The following LTN1 variants were observed in gnomAD, a reference collection of about 807,000 sequenced individuals.
LTN1 encodes E3 ubiquitin-protein ligase listerin.
Under a neutral mutation model 201.2 loss-of-function variants are expected in LTN1, and 88 were observed. The ratio of observed to expected loss-of-function variants is 0.44; its 90% confidence interval spans 0.37 to 0.52. LTN1 has a LOEUF of 0.52. Among genes scored for constraint, LTN1 ranks in the 20% least tolerant of loss-of-function variants. The pLI is 0.00. For missense variants in LTN1, 1,752 were observed against 2,038.7 expected (o/e 0.86, Z 2.71); for synonymous variants, 645 against 713.5 (o/e 0.90, Z 1.53).
At position 28,981,263 on chromosome 21, in the gene LTN1, G is replaced by A. The variant is rs1310289926; in HGVS notation, c.666C>T (p.Tyr222=). The change falls in exon 6 of 30, where the codon TAC becomes TAT. Residue 222 remains tyrosine, a synonymous_variant. Transcript: ENST00000361371. ...CCAATAAGGAACAAGTTACAACCCG[G>A]TAGAATTTAGCTTCTCTTTCTTCCT... ...VPEEEREAKF[Y]RVVTCSLLAL... 6 of 1,564,934 alleles carry A rather than the reference G, an allele frequency of 3.8e-6. No individual in the cohort carries two copies. The highest frequency in any genetic ancestry group is 5.2e-6 in the Non-Finnish European group (6 of 1,163,644).
intron 28 of LTN1, among the ~76,000 whole-genome samples, chr21:28,931,637 C>T (rs1169233643): frequency 6.6e-6 from 1 of 152,180 alleles, no homozygotes; most frequent in Non-Finnish European, 1.5e-5. Context: ...TAATGTTTAA[C>T]TGAAAATGAT....
intron 14 of LTN1, 22 bp from the exon 15 acceptor site, chr21:28,957,498 T>C (rs527609196): frequency 1.3e-6 from 2 of 1,519,782 alleles, no homozygotes; most frequent in African/African-American, 1.4e-5. Context: ...GCAGAGAACT[T>C]AACTGTTGTA....
rs991340915 is a variant in LTN1 at position 28,936,812 on chromosome 21, C to A, written c.4483-115G>T. On this transcript the variant is annotated intron_variant, in intron 25 of 29. Transcript: ENST00000361371. ...CCTCATAAACTAGCAGACATTCTAT[C>A]CCCTCATTATTGTAACACATTTCTA... The A allele has an allele frequency of 4.6e-5, 33 of 721,332 alleles. No homozygotes were observed. The East Asian group carries it at 7.0e-4, about 15-fold the overall frequency. The allele number at this position is 721,332 out of a possible 1,614,324, so 44.7% of individuals were successfully genotyped here.
intron 28 of LTN1, 44 bp from the exon 29 acceptor site, chr21:28,931,366 C>A: frequency 9.3e-7 from 1 of 1,079,514 alleles, no homozygotes; most frequent in Non-Finnish European, 1.3e-6. Flanking sequence ...CTGATAACCA[C>A]CAATTTTATT....
Position 28,971,333 on chromosome 21 carries a change from T to C in LTN1, c.922A>G (p.Ser308Gly). The C allele has an allele frequency of 6.2e-7, 1 of 1,614,110 alleles. No homozygotes were observed. The highest frequency in any genetic ancestry group is 8.5e-7 in the Non-Finnish European group (1 of 1,179,962). ...SPSVLLSIDD[S>G]DPIVCPALWE... The stretch of plus-strand genomic sequence containing the variant: ...AGAGCTGGGCAGACAATTGGGTCAC[T>C]GTCATCAATGCTAAGTAGAACTGAT... Residue 308 changes from serine (S) to glycine (G), a missense_variant, in exon 7 of 30, where the codon AGT becomes GGT. By Grantham distance (56) the Ser-to-Gly change is moderately conservative. This residue lies in a region of LTN1 where 280 missense variants were observed against 375.7 expected (regional missense o/e 0.75). Transcript: ENST00000361371.
intron 1 of LTN1, among the ~76,000 whole-genome samples, chr21:28,987,845 T>C (rs543375575): frequency 1.3e-4 from 20 of 152,298 alleles, no homozygotes; most frequent in Non-Finnish European, 2.4e-4. Context: ...AAATGTGTGA[T>C]TCAAATTGCT....
intron 14 of LTN1, among the ~76,000 whole-genome samples, chr21:28,957,868 C>G (rs555391168): frequency 9.2e-5 from 14 of 152,220 alleles, no homozygotes; most frequent in Admixed American, 9.2e-4. Flanking sequence ...ACTTGCAATT[C>G]AACATCTTAA....
In LTN1 at chr21:28,969,544, A is replaced by C. The variant is rs1316801780; in HGVS notation, c.1233T>G (p.Ala411=). The change falls in exon 9 of 30, where the codon GCT becomes GCG. Residue 411 remains alanine, a synonymous_variant. Transcript: ENST00000361371. The part of the protein sequence containing the change: ...SSLESSAVIS[A]FFECLRFIMQ... ...TTATAAAACGTAAGCATTCAAAAAA[A>C]GCAGATATTACTGCCGAGGACTCTA... 1 of 1,612,578 alleles carries C rather than the reference A, an allele frequency of 6.2e-7. No homozygotes were observed. Among genetic ancestry groups the C allele is most frequent in the East Asian group, 2.2e-5 (1 of 44,828 alleles).
chr21:28,976,447 A>C (rs963633073), intron 6 of LTN1, among the ~76,000 whole-genome samples: 2 of 152,028 alleles, frequency 1.3e-5, no homozygotes, highest in African/African-American at 4.8e-5. Context: ...TAAAAGTACA[A>C]AAATTAGCTG....
rs760752347 is a variant in LTN1, at chr21:28,946,215, T to G, written c.3560A>C (p.His1187Pro). Residue 1187 changes from histidine to proline, a missense_variant, in exon 20 of 30, where the codon CAT becomes CCT. His to Pro is a moderately conservative substitution (Grantham distance 77). Transcript: ENST00000361371. ...GGATATTATGATTTTTAATATTCCA[T>G]GTAATAGCTCTCCATCATCTATACT... ...TKSIDDGELL[H>P]GILKIIISWK... 1.3e-6 allele frequency: 2 copies of G among 1,590,196 alleles called. No individual in the cohort carries two copies. The highest frequency in any genetic ancestry group is 4.5e-5 in the East Asian group (2 of 44,350).
intron 8 of LTN1, 41 bp downstream of exon 8, chr21:28,970,511 A>T (rs2084564820): frequency 7.4e-7 from 1 of 1,348,342 alleles, no homozygotes; most frequent in Non-Finnish European, 1.0e-6. Context: ...AAAACAAGAA[A>T]ATCTGTTTTG....
At chr21:28,979,477 G>A (rs2084641832) in intron 6 of LTN1, among the ~76,000 whole-genome samples, 1 of 152,144 alleles carries the variant, frequency 6.6e-6, no homozygotes, top group Non-Finnish European at 1.5e-5. Flanking sequence ...TCATGAATCA[G>A]ATGTACATAC....
In LTN1 at chr21:28,968,356, G is replaced by A. The variant is rs78023943; in HGVS notation, c.1311+1110C>T. On this transcript the variant is annotated intron_variant, in intron 9 of 29. Coordinates refer to ENST00000361371, the MANE Select transcript of LTN1 (RefSeq NM_015565.3). ...AAGATACCTAGGACCCACAGAGTGC[G>A]GAATCCTATTTCCTAAATTACAAAA... Among the ~76,000 whole-genome samples, 987 of 152,118 alleles carry A rather than the reference G, an allele frequency of 6.5e-3. 18 individuals are homozygous for A. Among genetic ancestry groups the A allele is most frequent in the African/African-American group, 0.023 (960 of 41,494 alleles).
intron 1 of LTN1, among the ~76,000 whole-genome samples, chr21:28,992,210 A>C (rs558428602): frequency 6.6e-6 from 1 of 152,230 alleles, no homozygotes; most frequent in East Asian, 1.9e-4. Context: ...CAGGTAGTCA[A>C]GGCACAGTGA....
At chr21:28,946,088 C>G in intron 20 of LTN1, 64 bp downstream of exon 20, 1 of 1,475,006 alleles carries the variant, frequency 6.8e-7, no homozygotes. Context: ...AATTGTGACA[C>G]AGATACGTAA....
intron 17 of LTN1, among the ~76,000 whole-genome samples, chr21:28,952,632 T>C (rs1426555782): frequency 6.6e-6 from 1 of 152,348 alleles, no homozygotes; most frequent in Non-Finnish European, 1.5e-5. Flanking sequence ...AAGAGGTTCT[T>C]TGGTTCTGAG....
chr21:28,991,746 G>GT (rs2084748222), intron 1 of LTN1, among the ~76,000 whole-genome samples: 2 of 152,170 alleles, frequency 1.3e-5, no homozygotes, highest in African/African-American at 4.8e-5. Flanking sequence ...TGTTAATACT[G>GT]TTATTATCTT....
At chr21:28,989,273 T>C (rs912520457) in intron 1 of LTN1, among the ~76,000 whole-genome samples, 1 of 151,972 alleles carries the variant, frequency 6.6e-6, no homozygotes, top group African/African-American at 2.4e-5. Context: ...GAATTAGGAG[T>C]GATAACTAGG....
chr21:28,949,075 T>C (rs907558354), intron 18 of LTN1, among the ~76,000 whole-genome samples: 10 of 152,358 alleles, frequency 6.6e-5, no homozygotes, highest in African/African-American at 2.2e-4. Flanking sequence ...GATAAAACCA[T>C]TGCTCTTAAT....
Sources: allele counts gnomAD v4.1 joint callset (sites outside exome capture counted in the v4.1 genomes callset), GRCh38; gene constraint gnomAD v4.1.1; regional missense constraint gnomAD v4.1.1; transcripts MANE v1.5; gene names NCBI Gene and HGNC (gene_info 2026-07-23, HGNC 2026-07-21).